The following CHRM3 variants were observed in gnomAD, a reference collection of about 807,000 sequenced individuals.
The protein encoded by CHRM3 is muscarinic acetylcholine receptor M3.
CHRM3 carries 11 observed loss-of-function variants against 41.8 expected under a neutral mutation model. The observed-to-expected ratio is 0.26, with a 90% CI of 0.17 to 0.44. The LOEUF is 0.44. Ranked by LOEUF, CHRM3 falls within the 20% of genes least tolerant of loss-of-function variation. CHRM3 has a pLI of 1.00. For synonymous variants in CHRM3, 297 were observed against 301.4 expected, an observed-to-expected ratio of 0.99 and a Z score of 0.15; for missense variants, 571 against 745.4, an observed-to-expected ratio of 0.77 and a Z score of 2.72.
At chr1:239,853,598 T>A (rs964116791) in intron 6 of CHRM3, among the ~76,000 whole-genome samples, 2 of 151,980 alleles carry the variant, frequency 1.3e-5, no homozygotes, top group African/African-American at 4.8e-5. Flanking sequence ...AAGAAAAAAA[T>A]AAATACTCTT....
chr1:239,702,239 C>T (rs941259022), intron 5 of CHRM3, among the ~76,000 whole-genome samples: 2 of 152,134 alleles, frequency 1.3e-5, no homozygotes, highest in East Asian at 3.9e-4. Flanking sequence ...TTGAGGATAA[C>T]ATTTTGGGGT....
intron 3 of CHRM3, among the ~76,000 whole-genome samples, chr1:239,631,916 C>T (rs1198400494): frequency 6.6e-6 from 1 of 152,192 alleles, no homozygotes; most frequent in Non-Finnish European, 1.5e-5. Flanking sequence ...TTTTATTCTT[C>T]TCACTCTATC....
intron 1 of CHRM3, among the ~76,000 whole-genome samples, chr1:239,446,238 G>A (rs544485839): frequency 6.6e-6 from 1 of 152,236 alleles, no homozygotes; most frequent in South Asian, 2.1e-4. Context: ...CCTGGCCAGT[G>A]TGCACTTTCT....
chr1:239,815,039 G>A (rs962332960), intron 5 of CHRM3, among the ~76,000 whole-genome samples: 7 of 152,040 alleles, frequency 4.6e-5, no homozygotes, highest in African/African-American at 1.4e-4. Flanking sequence ...GCCTCCCAAA[G>A]TTCTGGGATT....
At chr1:239,476,080 T>G (rs1052364641) in intron 1 of CHRM3, among the ~76,000 whole-genome samples, 2 of 152,156 alleles carry the variant, frequency 1.3e-5, no homozygotes, top group Non-Finnish European at 2.9e-5. Flanking sequence ...CTAGTTAGTT[T>G]TTTTTTTGTA....
rs570599179 is a variant in CHRM3 at position 239,858,535 on chromosome 1, A to AAG, written c.-20+31161_-20+31162dup. ...ATTTTCATTTGGAAAAAAAAAAAAA[A>AAG]AGAGAATAATTGTACTTGCCTCTTA... On this transcript the variant is annotated intron_variant, in intron 6 of 6. Coordinates refer to ENST00000676153, the MANE Select transcript of CHRM3 (RefSeq NM_001375978.1). 4.1e-3 allele frequency among the ~76,000 whole-genome samples: 621 copies of AAG among 151,714 alleles called. 4 individuals carry two copies. The highest frequency in any genetic ancestry group is 0.013 in the African/African-American group (540 of 41,384).
chr1:239,480,300 A>G (rs1377245883), intron 1 of CHRM3, among the ~76,000 whole-genome samples: 3 of 152,178 alleles, frequency 2.0e-5, no homozygotes, highest in Non-Finnish European at 4.4e-5. Context: ...TTATGTAGGT[A>G]AAAACAAAGA....
intron 5 of CHRM3, among the ~76,000 whole-genome samples, chr1:239,687,262 T>A (rs1659234406): frequency 6.6e-6 from 1 of 152,170 alleles, no homozygotes; most frequent in South Asian, 2.1e-4. Flanking sequence ...AGTTTATTTG[T>A]TAATAACTCA....
intron 1 of CHRM3, among the ~76,000 whole-genome samples, chr1:239,462,006 G>A (rs995540963): frequency 2.6e-5 from 4 of 152,032 alleles, no homozygotes; most frequent in Non-Finnish European, 5.9e-5. Flanking sequence ...GGGTAATACC[G>A]CTTCTCTCAG....
intron 5 of CHRM3, among the ~76,000 whole-genome samples, chr1:239,808,538 C>T (rs923468911): frequency 4.6e-5 from 7 of 152,112 alleles, no homozygotes; most frequent in African/African-American, 9.7e-5. Context: ...TCAAATCTAA[C>T]GGAATAAAGA....
intron 5 of CHRM3, among the ~76,000 whole-genome samples, chr1:239,730,642 G>C (rs1290153470): frequency 1.3e-5 from 2 of 151,960 alleles, no homozygotes; most frequent in Non-Finnish European, 2.9e-5. Flanking sequence ...TGTTCTAGGA[G>C]CTGCAAGTTT....
At position 239,403,230 on chromosome 1, in the gene CHRM3, T is replaced by C. The variant is rs114780050; in HGVS notation, c.-521+16003T>C. The stretch of plus-strand genomic sequence containing the variant: ...TTACACCTTGTAGAAACTCACTAAA[T>C]GGAATGATGCTTTAGGTACCTGTGC... On this transcript the variant is annotated intron_variant, in intron 1 of 6. Transcript: ENST00000676153. Among the ~76,000 whole-genome samples, 1,092 of 152,312 alleles carry C rather than the reference T, an allele frequency of 7.2e-3. 16 individuals are homozygous for C. Among genetic ancestry groups the C allele is most frequent in the African/African-American group, 0.025 (1,042 of 41,566 alleles).
At chr1:239,513,338 GT>G (rs1669048646) in intron 2 of CHRM3, among the ~76,000 whole-genome samples, 1 of 151,928 alleles carries the variant, frequency 6.6e-6, no homozygotes, top group African/African-American at 2.4e-5. Context: ...ATTCTGGTAG[GT>G]GTTTATCTCA....
intron 6 of CHRM3, among the ~76,000 whole-genome samples, chr1:239,828,646 A>G (rs1309187815): frequency 6.6e-6 from 1 of 152,192 alleles, no homozygotes; most frequent in Non-Finnish European, 1.5e-5. Context: ...TTCCCGGAAC[A>G]GCATAGATGC....
chr1:239,451,507 C>T (rs1175667408), intron 1 of CHRM3, among the ~76,000 whole-genome samples: 1 of 152,092 alleles, frequency 6.6e-6, no homozygotes, highest in Non-Finnish European at 1.5e-5. Flanking sequence ...GCTCTTGTGC[C>T]TCAGTTTCCC....
At chr1:239,737,769 G>T (rs548807069) in intron 5 of CHRM3, among the ~76,000 whole-genome samples, 3 of 152,040 alleles carry the variant, frequency 2.0e-5, no homozygotes, top group African/African-American at 7.2e-5. Context: ...AAAACTCTTC[G>T]TAAGACATCC....
At chr1:239,879,407 G>A (rs1203512440) in intron 6 of CHRM3, among the ~76,000 whole-genome samples, 1 of 152,194 alleles carries the variant, frequency 6.6e-6, no homozygotes, top group East Asian at 1.9e-4. Context: ...AGAACGGCCT[G>A]TGCTTTCCAG....
At chr1:239,668,191 G>C (rs1326888601) in intron 4 of CHRM3, among the ~76,000 whole-genome samples, 1 of 137,780 alleles carries the variant, frequency 7.3e-6, no homozygotes, top group Non-Finnish European at 1.5e-5. Context: ...CTCTGCCTCC[G>C]AGGCCCAAGC....
At chr1:239,523,540 T>C (rs1445645088) in intron 2 of CHRM3, among the ~76,000 whole-genome samples, 1 of 152,202 alleles carries the variant, frequency 6.6e-6, no homozygotes, top group East Asian at 1.9e-4. Flanking sequence ...CTGAATCCAT[T>C]GTCCCCAGTG....
Sources: allele counts gnomAD v4.1 joint callset (sites outside exome capture counted in the v4.1 genomes callset), GRCh38; gene constraint gnomAD v4.1.1; transcripts MANE v1.5; gene names NCBI Gene and HGNC (gene_info 2026-07-23, HGNC 2026-07-21).